The following ST7 variants were observed in gnomAD, a reference collection of about 807,000 sequenced individuals.
ST7 encodes the protein suppression of tumorigenicity 7.
ST7 carries 28 observed loss-of-function variants against 78.7 expected under a neutral mutation model. That is an observed-to-expected ratio of 0.36 (90% CI 0.26 to 0.49). The LOEUF (loss-of-function observed/expected upper bound fraction) is 0.49. Ranked by LOEUF, ST7 falls within the 20% of genes least tolerant of loss-of-function variation. The pLI is 0.99. For missense variants in ST7, 418 were observed against 696.0 expected (o/e 0.60, Z 4.49); for synonymous variants, 247 against 249.6 (o/e 0.99, Z 0.10).
chr7:116,967,118 CTT>C (rs35773173), intron 1 of ST7, among the ~76,000 whole-genome samples: 2,118 of 139,370 alleles, frequency 0.015, 31 homozygotes, highest in African/African-American at 0.041. Context: ...TTCTATCACT[CTT>C]TTTTTTTTTT....
At chr7:117,213,553 G>GA (rs1373284509) in intron 13 of ST7, among the ~76,000 whole-genome samples, 7 of 150,904 alleles carry the variant, frequency 4.6e-5, no homozygotes, top group African/African-American at 9.7e-5. Flanking sequence ...CAATCAAGCT[G>GA]AAAAAAAACC....
chr7:117,015,361 A>G (rs1350280605), intron 1 of ST7, among the ~76,000 whole-genome samples: 1 of 152,228 alleles, frequency 6.6e-6, no homozygotes, highest in African/African-American at 2.4e-5. Context: ...ACAGGGAATA[A>G]AATATGTACA....
chr7:117,166,655 T>C (rs12670227), intron 9 of ST7, among the ~76,000 whole-genome samples: 19,456 of 151,986 alleles, frequency 0.13, 2,359 homozygotes, highest in African/African-American at 0.31. Flanking sequence ...TTTGGGAGGC[T>C]GAGGCAGGTG....
intron 1 of ST7, chr7:117,072,801 C>T (rs11769483): frequency 2.0e-5 from 3 of 152,188 alleles, no homozygotes; most frequent in East Asian, 1.9e-4. Context: ...AGAGCAAGGT[C>T]GGTGGGCAGG....
intron 1 of ST7, among the ~76,000 whole-genome samples, chr7:117,032,938 C>T (rs964762679): frequency 2.0e-5 from 3 of 152,144 alleles, no homozygotes; most frequent in African/African-American, 7.2e-5. Flanking sequence ...AAATATATAA[C>T]GCAGTGCTTA....
At position 117,135,162 on chromosome 7, in the gene ST7, C is replaced by T. The variant is rs930369134; in HGVS notation, c.711-919C>T. 7.9e-5 allele frequency among the ~76,000 whole-genome samples: 12 copies of T among 152,034 alleles called. No individual in the cohort carries two copies. The East Asian group carries it at 2.1e-3, about 27-fold the overall frequency. Reference sequence around the variant, plus strand: ...GGTCTGTTACAGCCTCACCACTTCCCTATTACATTCCCTTTCTTTGGCAGT... The same window carrying T: ...GGTCTGTTACAGCCTCACCACTTCCTTATTACATTCCCTTTCTTTGGCAGT... On this transcript the variant is annotated intron_variant, in intron 7 of 15. Coordinates refer to ENST00000323984, the MANE Select transcript of ST7 (RefSeq NM_001369598.1).
At chr7:117,092,345 T>C (rs372471563) in intron 1 of ST7, among the ~76,000 whole-genome samples, 38 of 144,466 alleles carry the variant, frequency 2.6e-4, no homozygotes, top group African/African-American at 8.6e-4. Context: ...AAAGAAGTTA[T>C]GAATACCAGC....
intron 2 of ST7, among the ~76,000 whole-genome samples, chr7:117,109,742 A>G (rs1394844284): frequency 6.6e-6 from 1 of 152,234 alleles, no homozygotes; most frequent in Non-Finnish European, 1.5e-5. Context: ...TAACAAAAAA[A>G]TAAAACTACA....
At chr7:117,178,889 T>G (rs902557573) in intron 10 of ST7, among the ~76,000 whole-genome samples, 1 of 152,204 alleles carries the variant, frequency 6.6e-6, no homozygotes, top group Non-Finnish European at 1.5e-5. Context: ...TTTTGAAAAT[T>G]CAAGAGTCAT....
intron 1 of ST7, among the ~76,000 whole-genome samples, chr7:117,091,516 A>G (rs1437817609): frequency 1.3e-5 from 2 of 152,196 alleles, no homozygotes; most frequent in South Asian, 4.1e-4. Context: ...AGACAGTTAC[A>G]TGCCAGCATG....
At chr7:117,091,485 T>G (rs376827224) in intron 1 of ST7, among the ~76,000 whole-genome samples, 1 of 152,190 alleles carries the variant, frequency 6.6e-6, no homozygotes, top group East Asian at 1.9e-4. Context: ...AGCATCTACT[T>G]TAGTATTAGC....
chr7:117,110,118 G>T (rs1802310386), intron 2 of ST7, among the ~76,000 whole-genome samples: 1 of 152,122 alleles, frequency 6.6e-6, no homozygotes, highest in Admixed American at 6.5e-5. Flanking sequence ...TATATGTTTT[G>T]TGGGAGGGAG....
At chr7:117,208,783 A>G (rs926596181) in intron 12 of ST7, among the ~76,000 whole-genome samples, 1 of 152,078 alleles carries the variant, frequency 6.6e-6, no homozygotes, top group African/African-American at 2.4e-5. Flanking sequence ...CACCTTTTTA[A>G]GCGCTTGATC....
At chr7:116,994,037 A>G (rs1794540943) in intron 1 of ST7, among the ~76,000 whole-genome samples, 1 of 152,224 alleles carries the variant, frequency 6.6e-6, no homozygotes, top group African/African-American at 2.4e-5. Context: ...TGACTATTTT[A>G]AAAGTATACA....
At chr7:117,216,898 G>A (rs1463708260) in intron 13 of ST7, among the ~76,000 whole-genome samples, 3 of 152,080 alleles carry the variant, frequency 2.0e-5, no homozygotes, top group Non-Finnish European at 4.4e-5. Context: ...GTGGCTGTGT[G>A]TACACATGCA....
intron 1 of ST7, among the ~76,000 whole-genome samples, chr7:117,004,099 G>A (rs1584429418): frequency 6.6e-6 from 1 of 152,160 alleles, no homozygotes; most frequent in East Asian, 1.9e-4. Flanking sequence ...TGATATGGAT[G>A]AATGCCAATT....
chr7:117,088,520 A>G (rs1800331920), intron 1 of ST7, among the ~76,000 whole-genome samples: 1 of 152,226 alleles, frequency 6.6e-6, no homozygotes, highest in African/African-American at 2.4e-5. Flanking sequence ...TTTAACAATT[A>G]TCTGTTCAAA....
intron 9 of ST7, among the ~76,000 whole-genome samples, chr7:117,169,846 G>T (rs1244404608): frequency 2.3e-5 from 3 of 127,718 alleles, no homozygotes; most frequent in Non-Finnish European, 4.8e-5. Context: ...TCTCCACTGT[G>T]TGGCTGTTTT....
Position 117,213,708 on chromosome 7 carries a change from T to G in ST7, c.1405+3771T>G, listed in dbSNP as rs77642581. Among the ~76,000 whole-genome samples the G allele has an allele frequency of 2.8e-4, 42 of 152,228 alleles. 1 individual carries two copies. In the East Asian group the frequency reaches 7.9e-3, roughly 29 times the overall value. On this transcript the variant is annotated intron_variant, in intron 13 of 15. Transcript: ENST00000323984. ...AGCATTTCAAAGGTTTCCAAAATGT[T>G]TGATTCATCACTGTCCCAGCCCCTG...
Sources: gnomAD v4.1 joint callset for allele counts (sites outside exome capture counted in the v4.1 genomes callset) on GRCh38, gnomAD v4.1.1 for gene constraint, MANE v1.5 for transcripts, NCBI Gene and HGNC (gene_info 2026-07-23, HGNC 2026-07-21) for gene names.